MYO9A: variants seen among roughly 807,000 people sequenced by gnomAD.
MYO9A encodes the protein unconventional myosin-IXa.
MYO9A carries 103 observed loss-of-function variants against 293.3 expected under a neutral mutation model. The observed-to-expected ratio is 0.35, with a 90% CI of 0.30 to 0.41. The LOEUF is 0.41. Among genes scored for constraint, MYO9A ranks in the 10% least tolerant of loss-of-function variants. The pLI is 1.00. For synonymous variants in MYO9A, 1,001 were observed against 1,035.7 expected (o/e 0.97, Z 0.64); for missense variants, 2,685 against 3,033.0 (o/e 0.89, Z 2.69).
At chr15:71,846,254 A>G (rs535238610) in intron 39 of MYO9A, among the ~76,000 whole-genome samples, 1 of 152,328 alleles carries the variant, frequency 6.6e-6, no homozygotes, top group South Asian at 2.1e-4. Context: ...GAGCCGGAAT[A>G]GCAGTGTTGA....
At chr15:71,930,567 A>ATGTT (rs2058448201) in intron 18 of MYO9A, among the ~76,000 whole-genome samples, 1 of 151,880 alleles carries the variant, frequency 6.6e-6, no homozygotes, top group Non-Finnish European at 1.5e-5. Flanking sequence ...CCATCCCTTA[A>ATGTT]TGTTCATTCT....
At chr15:72,088,830 A>G (rs558708830) in intron 1 of MYO9A, among the ~76,000 whole-genome samples, 2 of 152,342 alleles carry the variant, frequency 1.3e-5, no homozygotes, top group South Asian at 4.1e-4. Context: ...CTCTTCAAAT[A>G]CTATCTAAAT....
At chr15:72,006,355 C>T (rs2077017007) in intron 8 of MYO9A, among the ~76,000 whole-genome samples, 1 of 152,132 alleles carries the variant, frequency 6.6e-6, no homozygotes, top group Non-Finnish European at 1.5e-5. Flanking sequence ...CCTGCCTCAG[C>T]CTCTCAATGT....
chr15:71,996,554 T>C (rs932336263), intron 9 of MYO9A, among the ~76,000 whole-genome samples: 1 of 152,176 alleles, frequency 6.6e-6, no homozygotes, highest in Non-Finnish European at 1.5e-5. Flanking sequence ...ATTTAGTGTT[T>C]CCTATGTCAT....
intron 1 of MYO9A, among the ~76,000 whole-genome samples, chr15:72,090,197 C>T (rs2079861015): frequency 6.6e-6 from 1 of 152,162 alleles, no homozygotes; most frequent in Admixed American, 6.5e-5. Flanking sequence ...TTCCAATGAA[C>T]TGGAATTTCA....
At chr15:71,927,634 T>C (rs1486864174) in intron 18 of MYO9A, among the ~76,000 whole-genome samples, 1 of 152,120 alleles carries the variant, frequency 6.6e-6, no homozygotes, top group Non-Finnish European at 1.5e-5. Context: ...CATATTTTGA[T>C]CCACATTTGG....
At chr15:71,942,188 T>C (rs187634492) in intron 15 of MYO9A, among the ~76,000 whole-genome samples, 6 of 152,160 alleles carry the variant, frequency 3.9e-5, no homozygotes, top group African/African-American at 1.2e-4. Context: ...CTATGTTGCA[T>C]AACACAATCA....
chr15:72,043,913 C>G (rs949326135), intron 2 of MYO9A, among the ~76,000 whole-genome samples: 3 of 146,044 alleles, frequency 2.1e-5, no homozygotes, highest in African/African-American at 7.6e-5. Flanking sequence ...AGGTCTAAAA[C>G]AAACACTATA....
rs1216639890 is a variant in MYO9A at position 71,899,552 on chromosome 15, G to A, written c.3470+135C>T. ...AGACAATACAATGTGGGTTAAAATC[G>A]GTATCACAGTATAGTGGAAAAGACA... is the stretch of plus-strand genomic sequence containing the variant. On this transcript the variant is annotated intron_variant, in intron 24 of 41. Transcript: ENST00000356056. The A allele has an allele frequency of 2.9e-5, 21 of 714,132 alleles. No individual in the cohort carries two copies. The South Asian group carries it at 3.3e-4, about 11-fold the overall frequency. The allele number at this position is 714,132 out of a possible 1,614,324, so 44.2% of individuals were successfully genotyped here.
intron 2 of MYO9A, among the ~76,000 whole-genome samples, chr15:72,033,289 G>A (rs989890807): frequency 1.3e-5 from 2 of 152,046 alleles, no homozygotes; most frequent in Admixed American, 6.6e-5. Flanking sequence ...GAAGTAACAA[G>A]GAGTTAGGAA....
intron 11 of MYO9A, 87 bp downstream of exon 11, chr15:71,991,016 G>A (rs2076530672): frequency 1.7e-6 from 2 of 1,203,402 alleles, no homozygotes; most frequent in Non-Finnish European, 2.2e-6. Context: ...TCAATAAAAT[G>A]TGTGAAAAAA....
chr15:72,015,123 G>T (rs1566950749), intron 6 of MYO9A, among the ~76,000 whole-genome samples: 1 of 151,488 alleles, frequency 6.6e-6, no homozygotes, highest in African/African-American at 2.4e-5. Flanking sequence ...GATTACAAGC[G>T]TGACCCACCG....
At chr15:72,091,386 C>T (rs2079904139) in intron 1 of MYO9A, among the ~76,000 whole-genome samples, 1 of 151,956 alleles carries the variant, frequency 6.6e-6, no homozygotes, top group Non-Finnish European at 1.5e-5. Context: ...TCTTGTTTTT[C>T]TTTTCTTTCT....
At chr15:72,077,115 CTATT>C (rs1388259269) in intron 1 of MYO9A, among the ~76,000 whole-genome samples, 1 of 151,542 alleles carries the variant, frequency 6.6e-6, no homozygotes, top group East Asian at 1.9e-4. Context: ...CCACACAAAA[CTATT>C]AAACTCCTAT....
chr15:72,032,673 A>G, intron 2 of MYO9A, 85 bp from the exon 3 acceptor site: 1 of 773,892 alleles, frequency 1.3e-6, no homozygotes, highest in Non-Finnish European at 2.0e-6. Context: ...TGCTTAGGTC[A>G]GCTCAGAGAC....
chr15:72,110,238 C>T (rs577691039), intron 1 of MYO9A, among the ~76,000 whole-genome samples: 33 of 151,986 alleles, frequency 2.2e-4, no homozygotes, highest in Admixed American at 9.8e-4. Flanking sequence ...CAGTTGAAGA[C>T]CTTCCTGGCC....
intron 15 of MYO9A, among the ~76,000 whole-genome samples, chr15:71,943,413 CAGT>C (rs1166793828): frequency 2.0e-5 from 3 of 152,106 alleles, no homozygotes; most frequent in African/African-American, 7.2e-5. Flanking sequence ...CATCTGCAAG[CAGT>C]AATTCTGATC....
intron 32 of MYO9A, among the ~76,000 whole-genome samples, chr15:71,869,597 C>T (rs371033451): frequency 2.6e-5 from 4 of 152,074 alleles, no homozygotes; most frequent in Admixed American, 6.5e-5. Flanking sequence ...TTAAGGGATA[C>T]GGTTTATTTG....
chr15:72,006,036 T>C (rs1182901842), intron 8 of MYO9A, among the ~76,000 whole-genome samples: 1 of 152,184 alleles, frequency 6.6e-6, no homozygotes, highest in Admixed American at 6.5e-5. Flanking sequence ...TACCCCGTAA[T>C]AAACAGAAAT....
Sources: allele counts gnomAD v4.1 joint callset (sites outside exome capture counted in the v4.1 genomes callset), GRCh38; gene constraint gnomAD v4.1.1; transcripts MANE v1.5; gene names NCBI Gene and HGNC (gene_info 2026-07-23, HGNC 2026-07-21).